SLC44A5: variants seen among roughly 807,000 people sequenced by gnomAD.
The protein encoded by SLC44A5 is choline transporter-like protein 5.
Under a neutral mutation model 101.8 loss-of-function variants are expected in SLC44A5, and 57 were observed. That is an observed-to-expected ratio of 0.56 (90% CI 0.45 to 0.70). The LOEUF is 0.70. Among genes scored for constraint, SLC44A5 ranks in the 30% least tolerant of loss-of-function variants. The probability of loss-of-function intolerance (pLI) is 0.00; values close to 1 mark genes in which losing one functional copy is unlikely to be tolerated. For synonymous variants in SLC44A5, 281 were observed against 290.9 expected, an observed-to-expected ratio of 0.97 and a Z score of 0.35; for missense variants, 737 against 853.1, an observed-to-expected ratio of 0.86 and a Z score of 1.70.
intron 11 of SLC44A5, among the ~76,000 whole-genome samples, chr1:75,236,566 A>T (rs11162871): frequency 4.0e-4 from 61 of 152,148 alleles, no homozygotes; most frequent in African/African-American, 1.1e-3. Context: ...GATGTGTTGA[A>T]AAATAGGAAC....
intron 2 of SLC44A5, among the ~76,000 whole-genome samples, chr1:75,541,174 C>G (rs1671335909): frequency 1.3e-5 from 2 of 152,054 alleles, no homozygotes; most frequent in Admixed American, 1.3e-4. Context: ...AACCACATAC[C>G]CCCAGCTTGC....
At chr1:75,531,229 C>T (rs1314493734) in intron 2 of SLC44A5, among the ~76,000 whole-genome samples, 1 of 152,174 alleles carries the variant, frequency 6.6e-6, no homozygotes, top group Non-Finnish European at 1.5e-5. Flanking sequence ...CTATTTATCT[C>T]TGTTTAATCT....
chr1:75,476,936 G>A (rs1667449321), intron 2 of SLC44A5, among the ~76,000 whole-genome samples: 1 of 152,226 alleles, frequency 6.6e-6, no homozygotes, highest in Non-Finnish European at 1.5e-5. Context: ...TCTGAGAATG[G>A]GCAGACTGTC....
the SLC44A5 span, among the ~76,000 whole-genome samples, chr1:75,686,873 T>C: frequency 2.0e-5 from 3 of 152,118 alleles, no homozygotes; most frequent in Non-Finnish European, 4.4e-5. Context: ...ATTTGGACAA[T>C]AGAGTAAATT....
intron 4 of SLC44A5, among the ~76,000 whole-genome samples, chr1:75,330,142 T>C (rs929477869): frequency 4.5e-5 from 6 of 132,686 alleles, no homozygotes; most frequent in Admixed American, 3.0e-4. Flanking sequence ...CACACACACA[T>C]GCATATACGT....
chr1:75,470,999 G>A (rs778319715), intron 2 of SLC44A5, among the ~76,000 whole-genome samples: 7 of 151,914 alleles, frequency 4.6e-5, no homozygotes, highest in Non-Finnish European at 8.8e-5. Context: ...GTATTTTGGG[G>A]GTAAATGAAA....
intron 22 of SLC44A5, among the ~76,000 whole-genome samples, chr1:75,213,185 G>A (rs577661440): frequency 7.2e-5 from 11 of 152,190 alleles, no homozygotes; most frequent in Non-Finnish European, 1.0e-4. Context: ...CATACCTTCC[G>A]CATGCAATCC....
At chr1:75,489,739 A>G (rs1668337775) in intron 2 of SLC44A5, among the ~76,000 whole-genome samples, 1 of 152,238 alleles carries the variant, frequency 6.6e-6, no homozygotes, top group South Asian at 2.1e-4. Context: ...CTGACAAAAA[A>G]TAAGTAGATT....
chr1:75,619,119 A>G, the SLC44A5 span, among the ~76,000 whole-genome samples: 27 of 105,148 alleles, frequency 2.6e-4, no homozygotes, highest in Middle Eastern at 4.8e-3. Flanking sequence ...GAAGAAGGGG[A>G]GGGAGGAAGG....
chr1:75,701,308 A>G, the SLC44A5 span, among the ~76,000 whole-genome samples: 1,021 of 152,348 alleles, frequency 6.7e-3, 16 homozygotes, highest in Admixed American at 0.037. Context: ...CTTGTCCACC[A>G]TGATCGAATG....
intron 2 of SLC44A5, among the ~76,000 whole-genome samples, chr1:75,453,514 A>T (rs886349352): frequency 1.3e-5 from 2 of 152,130 alleles, no homozygotes; most frequent in Non-Finnish European, 2.9e-5. Context: ...AACCTAACGG[A>T]AGAAAAGAAA....
At chr1:75,425,130 G>A (rs1033130572) in intron 2 of SLC44A5, among the ~76,000 whole-genome samples, 3 of 152,164 alleles carry the variant, frequency 2.0e-5, no homozygotes, top group Admixed American at 2.0e-4. Context: ...ACACTAAACA[G>A]GAAATTTAAT....
chr1:75,425,396 T>C (rs1274541415), intron 2 of SLC44A5, among the ~76,000 whole-genome samples: 2 of 152,170 alleles, frequency 1.3e-5, no homozygotes, highest in African/African-American at 2.4e-5. Flanking sequence ...CCAAAACTAA[T>C]TGTGTGAAAG....
chr1:75,249,570 C>T (rs10782715), intron 7 of SLC44A5, among the ~76,000 whole-genome samples: 109,784 of 151,966 alleles, frequency 0.72, 39,923 homozygotes, highest in East Asian at 0.93. Flanking sequence ...TCTCAGAGAA[C>T]GCAATCCAGG....
chr1:75,634,763 C>T, the SLC44A5 span, among the ~76,000 whole-genome samples: 1 of 151,890 alleles, frequency 6.6e-6, no homozygotes, highest in African/African-American at 2.4e-5. Context: ...GCAAGGACTT[C>T]ATGTCTAAAA....
chr1:75,268,332 G>A (rs74096315), intron 6 of SLC44A5, among the ~76,000 whole-genome samples: 4,188 of 152,126 alleles, frequency 0.028, 201 homozygotes, highest in African/African-American at 0.095. Flanking sequence ...CCCTCACCCC[G>A]TAACCACAAG....
chr1:75,326,782 T>A (rs1656631662), intron 4 of SLC44A5, among the ~76,000 whole-genome samples: 1 of 152,108 alleles, frequency 6.6e-6, no homozygotes, highest in Non-Finnish European at 1.5e-5. Flanking sequence ...AAATTATGGA[T>A]AATCCATATG....
chr1:75,684,270 G>T, the SLC44A5 span, among the ~76,000 whole-genome samples: 1 of 152,116 alleles, frequency 6.6e-6, no homozygotes, highest in Non-Finnish European at 1.5e-5. Flanking sequence ...TGAGATTTGG[G>T]TAGGGACATG....
intron 2 of SLC44A5, among the ~76,000 whole-genome samples, chr1:75,442,976 C>T (rs1044371726): frequency 5.9e-5 from 9 of 151,984 alleles, no homozygotes; most frequent in African/African-American, 2.2e-4. Flanking sequence ...ACTCATGGGC[C>T]AAAGAAGAAA....
Sources: allele counts gnomAD v4.1 joint callset (sites outside exome capture counted in the v4.1 genomes callset), GRCh38; gene constraint gnomAD v4.1.1; transcripts MANE v1.5; gene names NCBI Gene and HGNC (gene_info 2026-07-23, HGNC 2026-07-21).